CTHRC1: variants seen among roughly 807,000 people sequenced by gnomAD.
CTHRC1 encodes the protein collagen triple helix repeat-containing protein 1.
Under a neutral mutation model 25.9 loss-of-function variants are expected in CTHRC1, and 21 were observed. The observed-to-expected ratio is 0.81, with a 90% confidence interval of 0.57 to 1.17. CTHRC1 has a LOEUF of 1.17. CTHRC1 is among the 50% of genes most tolerant of loss of function. The probability of loss-of-function intolerance (pLI) is 0.00; values close to 1 mark genes in which losing one functional copy is unlikely to be tolerated. For missense variants in CTHRC1, 281 were observed against 304.3 expected, an observed-to-expected ratio of 0.92 and a Z score of 0.57; for synonymous variants, 109 against 113.1, an observed-to-expected ratio of 0.96 and a Z score of 0.23.
In CTHRC1 at chr8:103,376,780, C is replaced by T. The variant is rs536798931; in HGVS notation, c.372+821C>T. Among the ~76,000 whole-genome samples the T allele has an allele frequency of 2.6e-5, 4 of 152,308 alleles. No homozygotes were observed. The Middle Eastern group carries it at 0.01, about 389-fold the overall frequency. On this transcript the variant is annotated intron_variant, in intron 2 of 3. Transcript: ENST00000330295. ...TTTTAAGATGCACTCTGTGTATAAT[C>T]CCTGTTCCTTATCTCAGCTCTTTCT... is the stretch of plus-strand genomic sequence containing the variant.
rs1815933713 is a variant in CTHRC1, at chr8:103,382,586, G to A, written c.718G>A (p.Glu240Lys). The change falls in exon 4 of 4, where the codon GAA (glutamate) becomes AAA (lysine). Residue 240 changes from glutamate (E) to lysine (K), a missense_variant. Glu to Lys is a moderately conservative substitution (Grantham distance 56, BLOSUM62 1). Transcript: ENST00000330295. ...WNSVSRIIIEELPK is the reference protein window; with the variant it reads ...WNSVSRIIIEKLPK ...TTCAGTTTCTCGCATCATTATTGAA[G>A]AACTACCAAAATAAATGCTTTAATT... 6.2e-7 allele frequency: 1 copy of A among 1,612,986 alleles called. No individual in the cohort carries two copies. Among genetic ancestry groups the A allele is most frequent in the South Asian group, 1.1e-5 (1 of 91,064 alleles).
intron 1 of CTHRC1, chr8:103,372,543 G>A: frequency 6.3e-7 from 1 of 1,598,258 alleles, no homozygotes; most frequent in Non-Finnish European, 8.5e-7. Context: ...ACACACCCTG[G>A]GTCTTCATAT....
Position 103,371,702 on chromosome 8 carries a change from CT to C in CTHRC1, c.47del (p.Leu16ProfsTer79). On this transcript the variant is annotated frameshift_variant, in exon 1 of 4. Transcript: ENST00000330295. LOFTEE classifies it high-confidence loss of function. ...PAASPQRLRG[L>X]LLLLLLQLPA... ...CGCCTCCCCGCAGCGGCTCCGCGGC[CT>C]CCTGCTGCTCCTGCTGCTGCAGCTG... 6.5e-7 allele frequency: 1 copy of C among 1,533,954 alleles called. No homozygotes were observed.
chr8:103,372,030 A>G (rs1391290869), intron 1 of CTHRC1, among the ~76,000 whole-genome samples: 1 of 152,108 alleles, frequency 6.6e-6, no homozygotes, highest in African/African-American at 2.4e-5. Context: ...CCAAAATGGG[A>G]GGCCATCGTG....
intron 1 of CTHRC1, among the ~76,000 whole-genome samples, 182 bp from the exon 2 acceptor site, chr8:103,375,556 A>T (rs1815789133): frequency 6.6e-6 from 1 of 152,100 alleles, no homozygotes; most frequent in South Asian, 2.1e-4. Context: ...ATATGAAGGA[A>T]ATCACAATAT....
chr8:103,372,624 G>A (rs572457431), intron 1 of CTHRC1: 60 of 1,598,188 alleles, frequency 3.8e-5, no homozygotes, highest in Non-Finnish European at 4.7e-5. Context: ...GGAAATGAAC[G>A]GCCCGAGTGC....
At chr8:103,373,434 C>T (rs1815748219) in intron 1 of CTHRC1, among the ~76,000 whole-genome samples, 1 of 140,840 alleles carries the variant, frequency 7.1e-6, no homozygotes, top group South Asian at 2.2e-4. Context: ...AGTGCGCTTC[C>T]CTTCACATCT....
At chr8:103,371,941 C>T (rs1486412820) in intron 1 of CTHRC1, 135 bp downstream of exon 1, 7 of 875,510 alleles carry the variant, frequency 8.0e-6, no homozygotes, top group South Asian at 2.2e-5. Context: ...CTTGCTGCGC[C>T]GGGGTGTCAT....
In CTHRC1 at chr8:103,371,615, C is replaced by T; in HGVS notation, c.-42C>T. On this transcript the variant is annotated 5_prime_UTR_variant, in exon 1 of 4. Coordinates refer to ENST00000330295, the MANE Select transcript of CTHRC1 (RefSeq NM_138455.4). ...CGCTGACCACGTTCCTCTCCTCGGTCTCCTCCGCCTCCAGCTCCGCGCTGC... is the reference window on the plus strand; with the variant it reads ...CGCTGACCACGTTCCTCTCCTCGGTTTCCTCCGCCTCCAGCTCCGCGCTGC... 1.3e-6 allele frequency: 2 copies of T among 1,525,676 alleles called. No individual in the cohort carries two copies. The highest frequency in any genetic ancestry group is 1.8e-6 in the Non-Finnish European group (2 of 1,138,260). 94.5% of individuals were successfully genotyped at this position (1,525,676 alleles called of 1,614,324 possible). A position where few individuals can be genotyped will look rare whatever the true frequency, so the allele number is the denominator to read the frequency against.
intron 3 of CTHRC1, among the ~76,000 whole-genome samples, chr8:103,380,627 C>T (rs1815892869): frequency 6.6e-6 from 1 of 152,208 alleles, no homozygotes; most frequent in Non-Finnish European, 1.5e-5. Flanking sequence ...TATCATACTA[C>T]ATTATCACAG....
At chr8:103,380,887 C>T (rs1202606300) in intron 3 of CTHRC1, among the ~76,000 whole-genome samples, 1 of 152,140 alleles carries the variant, frequency 6.6e-6, no homozygotes, top group African/African-American at 2.4e-5. Context: ...TTAGTTCCCC[C>T]AACTTGGGAA....
At position 103,376,021 on chromosome 8, in the gene CTHRC1, TTTTTAGGTGACA is replaced by T. The variant is rs754082574; in HGVS notation, c.372+68_372+79del. 48 of 1,284,646 alleles carry T rather than the reference TTTTTAGGTGACA, an allele frequency of 3.7e-5. No homozygotes were observed. In the South Asian group the frequency reaches 5.3e-4, roughly 14 times the overall value. The allele number at this position is 1,284,646 out of a possible 1,614,324, so 79.6% of individuals were successfully genotyped here. On this transcript the variant is annotated intron_variant, in intron 2 of 3. Transcript: ENST00000330295. ...AAGGGTTTTCATATTTTAGTGTTAA[TTTTTAGGTGACA>T]TTTTATTTTTTTTTAACTAAAAGAC...
chr8:103,373,766 C>T (rs1250703335), intron 1 of CTHRC1, among the ~76,000 whole-genome samples: 1 of 149,690 alleles, frequency 6.7e-6, no homozygotes, highest in African/African-American at 2.5e-5. Context: ...AGCCAAGTGT[C>T]CCCTGGAGGA....
At chr8:103,373,896 T>G (rs1815757915) in intron 1 of CTHRC1, among the ~76,000 whole-genome samples, 1 of 152,028 alleles carries the variant, frequency 6.6e-6, no homozygotes, top group Non-Finnish European at 1.5e-5. Context: ...AGCAGTCTTA[T>G]TCCCATTTGA....
At chr8:103,379,439 A>T (rs571044975) in intron 3 of CTHRC1, among the ~76,000 whole-genome samples, 1 of 151,862 alleles carries the variant, frequency 6.6e-6, no homozygotes, top group African/African-American at 2.4e-5. Context: ...AAGATTCATT[A>T]AAGAAAGTTT....
intron 3 of CTHRC1, among the ~76,000 whole-genome samples, chr8:103,380,013 C>G (rs1407146571): frequency 6.6e-6 from 1 of 152,180 alleles, no homozygotes; most frequent in Admixed American, 6.5e-5. Flanking sequence ...GCTCCCAGTT[C>G]TCTTTGTAAT....
chr8:103,380,538 G>C (rs1040593028), intron 3 of CTHRC1, among the ~76,000 whole-genome samples: 1 of 152,166 alleles, frequency 6.6e-6, no homozygotes, highest in African/African-American at 2.4e-5. Context: ...TTTGACAAAT[G>C]GTTGTCATCT....
intron 3 of CTHRC1, 21 bp downstream of exon 3, chr8:103,378,264 G>C: frequency 6.3e-7 from 1 of 1,575,218 alleles, no homozygotes; most frequent in Non-Finnish European, 8.7e-7. Context: ...TTGTGACATT[G>C]CAAGATGTGC....
intron 1 of CTHRC1, chr8:103,372,448 G>A (rs1474891723): frequency 7.8e-6 from 12 of 1,539,678 alleles, no homozygotes; most frequent in Admixed American, 2.0e-5. Flanking sequence ...GTTTAAGGCC[G>A]GAAAGGGAAA....
Sources: gnomAD v4.1 joint callset for allele counts (sites outside exome capture counted in the v4.1 genomes callset) on GRCh38, gnomAD v4.1.1 for gene constraint, MANE v1.5 for transcripts, NCBI Gene and HGNC (gene_info 2026-07-23, HGNC 2026-07-21) for gene names.